GPALPP1: variants seen among roughly 807,000 people sequenced by gnomAD.
GPALPP1 encodes the protein GPALPP motifs containing 1.
In GPALPP1, 30 loss-of-function variants were observed where a neutral mutation model predicts 38.9. The ratio of observed to expected loss-of-function variants is 0.77; its 90% CI spans 0.58 to 1.05. The LOEUF is 1.05. GPALPP1 is among the 50% of genes least tolerant of loss of function. The probability of loss-of-function intolerance (pLI) is 0.00; values close to 1 mark genes in which losing one functional copy is unlikely to be tolerated. For missense variants in GPALPP1, 384 were observed against 408.8 expected (o/e 0.94, Z 0.52); for synonymous variants, 120 against 139.2 (o/e 0.86, Z 0.97).
chr13:45,003,218 T>C (rs558944552), intron 1 of GPALPP1, among the ~76,000 whole-genome samples: 2 of 152,310 alleles, frequency 1.3e-5, no homozygotes, highest in African/African-American at 4.8e-5. Context: ...TCTCCATATG[T>C]AAAATAGAAA....
chr13:44,992,827 C>T (rs927933064), intron 1 of GPALPP1, among the ~76,000 whole-genome samples: 1 of 152,122 alleles, frequency 6.6e-6, no homozygotes, highest in Non-Finnish European at 1.5e-5. Flanking sequence ...CATTTGTAAG[C>T]ATATAGGTCA....
At chr13:45,025,382 T>C (rs373548155) in intron 7 of GPALPP1, among the ~76,000 whole-genome samples, 8 of 152,318 alleles carry the variant, frequency 5.3e-5, no homozygotes, top group South Asian at 4.1e-4. Flanking sequence ...TGATTTTTTT[T>C]CCACATTGAT....
intron 1 of GPALPP1, among the ~76,000 whole-genome samples, chr13:44,994,958 A>G (rs1873141277): frequency 6.6e-6 from 1 of 151,778 alleles, no homozygotes; most frequent in Non-Finnish European, 1.5e-5. Flanking sequence ...GGTTCAAGCT[A>G]TTCTCCTGCC....
chr13:45,025,959 G>A (rs1366642054), intron 7 of GPALPP1, among the ~76,000 whole-genome samples: 2 of 152,000 alleles, frequency 1.3e-5, no homozygotes, highest in African/African-American at 2.4e-5. Context: ...TAGTAGAGAC[G>A]GGGTTTCTCC....
chr13:45,004,789 A>G (rs1873955558), intron 2 of GPALPP1, among the ~76,000 whole-genome samples: 1 of 151,770 alleles, frequency 6.6e-6, no homozygotes, highest in African/African-American at 2.4e-5. Flanking sequence ...CTGGAACCAC[A>G]GGTGCCCGCA....
chr13:45,017,786 C>T (rs973913444), intron 6 of GPALPP1, among the ~76,000 whole-genome samples: 2 of 152,062 alleles, frequency 1.3e-5, no homozygotes, highest in African/African-American at 4.8e-5. Context: ...CTTTTCTGTG[C>T]TGAAATGTTT....
At position 45,027,942 on chromosome 13, in the gene GPALPP1, T is replaced by A; in HGVS notation, c.962T>A (p.Ile321Lys). 6.2e-7 allele frequency: 1 copy of A among 1,611,598 alleles called. No homozygotes were observed. The highest frequency in any genetic ancestry group is 8.5e-7 in the Non-Finnish European group (1 of 1,178,044). Residue 321 changes from isoleucine to lysine, a missense_variant, in exon 8 of 8, where the codon ATA (isoleucine) becomes AAA (lysine). Ile to Lys is a moderately radical substitution (Grantham distance 102, BLOSUM62 -3). Transcript: ENST00000379151. Reference protein sequence around the residue: ...RFDEAQKKALIKKSRELNTRF... With the variant: ...RFDEAQKKALKKKSRELNTRF... ...GATGAAGCTCAGAAAAAAGCCCTAA[T>A]AAAAAAATCTAGAGAACTAAACACC...
chr13:45,015,193 CA>C (rs982809878), intron 5 of GPALPP1, 110 bp downstream of exon 5: 1 of 721,570 alleles, frequency 1.4e-6, no homozygotes, highest in African/African-American at 1.8e-5. Context: ...TTATGCATAA[CA>C]TTTTTTTAAA....
chr13:45,030,977 G>T (rs1223891241), downstream of GPALPP1: 1 of 152,080 alleles, frequency 6.6e-6, no homozygotes. Context: ...CCAACATGGT[G>T]AAATCCTGTC....
In GPALPP1 at chr13:45,004,308, C is replaced by G. The variant is rs1873912598; in HGVS notation, c.92C>G (p.Ala31Gly). Residue 31 changes from alanine (A) to glycine (G), a missense_variant, in exon 2 of 8, where the codon GCA (alanine) becomes GGA (glycine). Ala to Gly is a moderately conservative substitution (Grantham distance 60). Transcript: ENST00000379151. ...ACAAACAACAAGTGTTCTTTAGTTG[C>G]AGGACCAGCTCTGCCCCCTAATTAT... is the stretch of plus-strand genomic sequence containing the variant. ...EDEERDPSPV[A>G]GPALPPNYKS... 5 of 1,610,644 alleles carry G rather than the reference C, an allele frequency of 3.1e-6. No homozygotes were observed. Among genetic ancestry groups the G allele is most frequent in the Non-Finnish European group, 4.2e-6 (5 of 1,177,810 alleles).
chr13:45,003,982 G>T (rs1873884645), intron 1 of GPALPP1, among the ~76,000 whole-genome samples: 1 of 150,486 alleles, frequency 6.6e-6, no homozygotes, highest in Non-Finnish European at 1.5e-5. Context: ...TTTTTGGCAG[G>T]TGCACCAACC....
intron 3 of GPALPP1, among the ~76,000 whole-genome samples, chr13:45,006,740 A>C (rs1382185584): frequency 6.6e-6 from 1 of 152,146 alleles, no homozygotes; most frequent in Non-Finnish European, 1.5e-5. Context: ...TCTGAATCTT[A>C]AATTTGTTAT....
chr13:44,993,149 C>T (rs976696492), intron 1 of GPALPP1, among the ~76,000 whole-genome samples: 1 of 152,148 alleles, frequency 6.6e-6, no homozygotes, highest in African/African-American at 2.4e-5. Context: ...CAACAGTATT[C>T]CGTGTATGTA....
Position 45,004,369 on chromosome 13 carries a change from A to G in GPALPP1, c.153A>G (p.Glu51=). ...GTTCAGATTCATCAGACAGCGATGA[A>G]GACAGTAGTTCTTTGTACGAAGAAG... ...SSSSDSSDSD[E]DSSSLYEEGN... The change falls in exon 2 of 8, where the codon GAA becomes GAG. Residue 51 remains glutamate (E), a synonymous_variant. Coordinates refer to ENST00000379151, the MANE Select transcript of GPALPP1 (RefSeq NM_018559.5). The G allele has an allele frequency of 6.2e-7, 1 of 1,607,892 alleles. No individual in the cohort carries two copies. The highest frequency in any genetic ancestry group is 1.1e-5 in the South Asian group (1 of 90,956).
intron 1 of GPALPP1, chr13:44,990,285 C>T (rs1317724765): frequency 4.7e-6 from 1 of 211,924 alleles, no homozygotes; most frequent in African/African-American, 2.3e-5. Flanking sequence ...TCAATCCAGT[C>T]TGAGTTGCTG....
intron 1 of GPALPP1, among the ~76,000 whole-genome samples, chr13:45,003,665 G>A (rs1449967239): frequency 6.6e-6 from 1 of 152,166 alleles, no homozygotes; most frequent in Admixed American, 6.5e-5. Flanking sequence ...TTGCTGAGAT[G>A]TAAAGTGAGA....
chr13:45,001,283 G>A (rs1873656667), intron 1 of GPALPP1, among the ~76,000 whole-genome samples: 1 of 152,108 alleles, frequency 6.6e-6, no homozygotes. Flanking sequence ...TACGTTTCCT[G>A]AGGCCTCCAC....
At chr13:45,035,738 C>T (rs907467855) in exon 8 of GPALPP1, 3 of 152,328 alleles carry the variant, frequency 2.0e-5, no homozygotes, top group African/African-American at 7.2e-5. Flanking sequence ...CTATCAGAAT[C>T]ACCTAGGAGT....
chr13:45,006,097 G>A, intron 2 of GPALPP1, 105 bp from the exon 3 acceptor site: 1 of 624,460 alleles, frequency 1.6e-6, no homozygotes, highest in South Asian at 2.3e-5. Context: ...TATTGTTGCA[G>A]TGTTTATACA....
Sources: gnomAD v4.1 joint callset for allele counts (sites outside exome capture counted in the v4.1 genomes callset) on GRCh38, gnomAD v4.1.1 for gene constraint, MANE v1.5 for transcripts, NCBI Gene and HGNC (gene_info 2026-07-23, HGNC 2026-07-21) for gene names.